The following EEA1 variants were observed in gnomAD, a reference collection of about 807,000 sequenced individuals.
The protein encoded by EEA1 is early endosome antigen 1.
A neutral mutation model predicts 209.2 loss-of-function variants in EEA1; 111 were observed. That is an observed-to-expected ratio of 0.53 (90% CI 0.45 to 0.62). The LOEUF (loss-of-function observed/expected upper bound fraction) is 0.62. Ranked by LOEUF, EEA1 falls within the 20% of genes least tolerant of loss-of-function variation. The pLI, the probability that EEA1 is intolerant of heterozygous loss-of-function variation, is 0.00. For synonymous variants in EEA1, 536 were observed against 540.6 expected, an observed-to-expected ratio of 0.99 and a Z score of 0.12; for missense variants, 1,343 against 1,530.8, an observed-to-expected ratio of 0.88 and a Z score of 2.05.
chr12:92,818,663 T>C (rs963081552), intron 14 of EEA1, among the ~76,000 whole-genome samples: 3 of 152,322 alleles, frequency 2.0e-5, no homozygotes, highest in African/African-American at 7.2e-5. Context: ...GGCTTTCTGA[T>C]ACTTTGTTTT....
intron 10 of EEA1, among the ~76,000 whole-genome samples, chr12:92,839,891 A>G (rs921148805): frequency 2.0e-5 from 3 of 152,052 alleles, no homozygotes; most frequent in African/African-American, 7.2e-5. Flanking sequence ...GCCTAAAACA[A>G]TATCTATTAT....
intron 1 of EEA1, among the ~76,000 whole-genome samples, chr12:92,923,166 T>C (rs1881072533): frequency 6.6e-6 from 1 of 151,682 alleles, no homozygotes; most frequent in Non-Finnish European, 1.5e-5. Context: ...GCTAACACAG[T>C]GAAACCCTGT....
intron 3 of EEA1, among the ~76,000 whole-genome samples, chr12:92,861,845 T>C (rs549723967): frequency 6.6e-6 from 1 of 152,170 alleles, no homozygotes; most frequent in African/African-American, 2.4e-5. Flanking sequence ...AAGAAATTGA[T>C]GAAAAAAAGA....
chr12:92,925,281 C>T (rs775214361), intron 1 of EEA1, among the ~76,000 whole-genome samples: 49 of 151,942 alleles, frequency 3.2e-4, no homozygotes, highest in Non-Finnish European at 6.2e-4. Context: ...GTGGCACGAT[C>T]TTGGCTCACT....
chr12:92,922,639 A>G (rs1200982687), intron 1 of EEA1, among the ~76,000 whole-genome samples: 7 of 152,344 alleles, frequency 4.6e-5, no homozygotes, highest in Admixed American at 2.6e-4. Context: ...AGACCTAAAC[A>G]TAACAAAGAA....
chr12:92,902,998 G>A (rs561254021), intron 1 of EEA1, among the ~76,000 whole-genome samples: 36 of 149,356 alleles, frequency 2.4e-4, no homozygotes, highest in East Asian at 8.2e-4. Flanking sequence ...GCAGCGGCGC[G>A]ATCTTGACTT....
At chr12:92,792,518 AG>A (rs780151280) in intron 21 of EEA1, among the ~76,000 whole-genome samples, 39 of 152,238 alleles carry the variant, frequency 2.6e-4, no homozygotes, top group Non-Finnish European at 4.9e-4. Flanking sequence ...CAAATAAACT[AG>A]AAAATTTCTA....
At chr12:92,852,614 C>T (rs1877679956) in intron 7 of EEA1, among the ~76,000 whole-genome samples, 1 of 151,946 alleles carries the variant, frequency 6.6e-6, no homozygotes, top group African/African-American at 2.4e-5. Flanking sequence ...ACATTATTTA[C>T]TTCACTTCTT....
At chr12:92,776,175 A>G in intron 28 of EEA1, 42 bp from the exon 29 acceptor site, 1 of 1,565,396 alleles carries the variant, frequency 6.4e-7, no homozygotes, top group Non-Finnish European at 8.7e-7. Context: ...AATAAAAACT[A>G]TACCAAAAGT....
chr12:92,827,491 C>T (rs1210008225), intron 12 of EEA1, among the ~76,000 whole-genome samples: 1 of 152,176 alleles, frequency 6.6e-6, no homozygotes, highest in East Asian at 1.9e-4. Flanking sequence ...TAATGAGGGA[C>T]AGCATTCAAA....
At chr12:92,801,474 TA>T (rs1874904252) in intron 20 of EEA1, 125 bp downstream of exon 20, 1 of 581,874 alleles carries the variant, frequency 1.7e-6, no homozygotes, top group African/African-American at 2.0e-5. Flanking sequence ...TTATTTTTCT[TA>T]AAACTATAAA....
rs1420681781 is a variant in EEA1, at chr12:92,832,575, C to T, written c.1191G>A (p.Gln397=). ...KYQHLKAEFK[Q]LQQQREEKEQ... Reference sequence around the variant, plus strand: ...CCTTTTCTTCTCTCTGTTGTTGTAGCTGCTTAAACTCCGCCTTTAGATGCT... The same window carrying T: ...CCTTTTCTTCTCTCTGTTGTTGTAGTTGCTTAAACTCCGCCTTTAGATGCT... The change falls in exon 11 of 29, where the codon CAG becomes CAA. Residue 397 remains glutamine, a synonymous_variant. Coordinates refer to ENST00000322349, the MANE Select transcript of EEA1 (RefSeq NM_003566.4). 1.2e-6 allele frequency: 2 copies of T among 1,614,082 alleles called. No individual in the cohort carries two copies. The highest frequency in any genetic ancestry group is 1.7e-6 in the Non-Finnish European group (2 of 1,179,990).
intron 1 of EEA1, among the ~76,000 whole-genome samples, chr12:92,902,936 CT>C (rs35352937): frequency 0.27 from 36,479 of 136,304 alleles, 4,068 homozygotes; most frequent in Non-Finnish European, 0.31. Flanking sequence ...GTTCAACAGT[CT>C]TTTTTTTTTT....
At chr12:92,883,941 C>T in intron 2 of EEA1, 1 of 1,517,156 alleles carries the variant, frequency 6.6e-7, no homozygotes, top group South Asian at 1.1e-5. Flanking sequence ...ACTCCAGGGG[C>T]TTTGGGTTCA....
intron 2 of EEA1, chr12:92,883,750 A>T: frequency 7.6e-7 from 1 of 1,314,502 alleles, no homozygotes; most frequent in Non-Finnish European, 1.1e-6. Context: ...AAGCATCGTT[A>T]AAGTCTCTCT....
chr12:92,820,017 A>G (rs532683638), intron 13 of EEA1, among the ~76,000 whole-genome samples: 2 of 152,108 alleles, frequency 1.3e-5, no homozygotes, highest in South Asian at 4.1e-4. Context: ...CTTGGTTATC[A>G]TTTTCTTTCC....
rs2446968 is a variant in EEA1 at position 92,904,173 on chromosome 12, C to G, written c.25-12452G>C. Among the ~76,000 whole-genome samples the G allele has an allele frequency of 2.6e-5, 4 of 152,138 alleles. No individual in the cohort carries two copies. The South Asian group carries it at 8.3e-4, about 32-fold the overall frequency. On this transcript the variant is annotated intron_variant, in intron 1 of 28. Coordinates refer to ENST00000322349, the MANE Select transcript of EEA1 (RefSeq NM_003566.4). ...ACGGGGTTTCTCCATGTTGGTCAGG[C>G]TGGTCTTGAACTCCTGACCTCAGGT... is the stretch of plus-strand genomic sequence containing the variant.
chr12:92,789,187 G>A (rs1238130839), intron 21 of EEA1, among the ~76,000 whole-genome samples: 1 of 151,808 alleles, frequency 6.6e-6, no homozygotes, highest in African/African-American at 2.4e-5. Context: ...CTACTCAGGA[G>A]GCTGAGGCAG....
chr12:92,836,839 C>T (rs1051597419), intron 10 of EEA1, among the ~76,000 whole-genome samples: 13 of 151,828 alleles, frequency 8.6e-5, no homozygotes, highest in Non-Finnish European at 5.9e-5. Context: ...AAAACAACAA[C>T]CAGCCGGGTG....
Sources: allele counts gnomAD v4.1 joint callset (sites outside exome capture counted in the v4.1 genomes callset), GRCh38; gene constraint gnomAD v4.1.1; transcripts MANE v1.5; gene names NCBI Gene and HGNC (gene_info 2026-07-23, HGNC 2026-07-21).